RIC1: variants seen among roughly 807,000 people sequenced by gnomAD.
RIC1 encodes RIC1 partner of RAB6A GEF complex.
A neutral mutation model predicts 169.0 loss-of-function variants in RIC1; 88 were observed. That is an observed-to-expected ratio of 0.52 (90% confidence interval 0.44 to 0.62). RIC1 has a LOEUF of 0.62. RIC1 is among the 20% of genes least tolerant of loss of function. The pLI is 0.00. For missense variants in RIC1, 1,877 were observed against 1,725.5 expected (o/e 1.09, Z -1.56); for synonymous variants, 790 against 601.5 (o/e 1.31, Z -4.59).
chr9:5,750,035 C>T (rs1297514678), intron 12 of RIC1, among the ~76,000 whole-genome samples: 2 of 151,938 alleles, frequency 1.3e-5, no homozygotes, highest in Non-Finnish European at 2.9e-5. Flanking sequence ...CCTCAGCCTC[C>T]CAAAGTACTG....
At chr9:5,663,567 A>C (rs1274026263) in intron 2 of RIC1, among the ~76,000 whole-genome samples, 1 of 151,794 alleles carries the variant, frequency 6.6e-6, no homozygotes, top group African/African-American at 2.4e-5. Context: ...CCCTTTATGT[A>C]ACGCCCTTTG....
At chr9:5,749,967 C>T (rs964760116) in intron 12 of RIC1, among the ~76,000 whole-genome samples, 4 of 151,416 alleles carry the variant, frequency 2.6e-5, no homozygotes, top group East Asian at 1.9e-4. Context: ...TTAGTAGAGA[C>T]GGGGTTTCAC....
At chr9:5,758,198 T>C (rs1826119513) in intron 17 of RIC1, among the ~76,000 whole-genome samples, 1 of 152,090 alleles carries the variant, frequency 6.6e-6, no homozygotes, top group East Asian at 1.9e-4. Context: ...AAAGAGAAAG[T>C]ATAATCCCGT....
intron 1 of RIC1, among the ~76,000 whole-genome samples, chr9:5,635,308 C>A (rs2130253618): frequency 6.6e-6 from 1 of 152,190 alleles, no homozygotes; most frequent in East Asian, 1.9e-4. Flanking sequence ...TTTTTGTACC[C>A]ATTAACCATC....
chr9:5,728,132 G>T (rs1475301915), intron 6 of RIC1, among the ~76,000 whole-genome samples: 1 of 152,238 alleles, frequency 6.6e-6, no homozygotes, highest in Non-Finnish European at 1.5e-5. Flanking sequence ...GCTATACCCT[G>T]CCCCCAGAGG....
At chr9:5,710,984 C>T (rs1482166114) in intron 3 of RIC1, among the ~76,000 whole-genome samples, 1 of 151,974 alleles carries the variant, frequency 6.6e-6, no homozygotes, top group Non-Finnish European at 1.5e-5. Flanking sequence ...AATGGAGAAG[C>T]TTATTATTAT....
In RIC1 at chr9:5,742,805, A is replaced by AAAC. The variant is rs1033417823; in HGVS notation, c.902-62_902-61insCAA. 5 of 1,429,734 alleles carry AAAC rather than the reference A, an allele frequency of 3.5e-6. 1 individual carries two copies. The highest frequency in any genetic ancestry group is 4.8e-6 in the Non-Finnish European group (5 of 1,049,564). 88.6% of individuals were successfully genotyped at this position (1,429,734 alleles called of 1,614,324 possible). The stretch of plus-strand genomic sequence containing the variant: ...AAAATACAGATTGTATTTGAAAAAA[A>AAAC]AAAAAAAACAAGTATTTCTGAAGCA... On this transcript the variant is annotated intron_variant, in intron 8 of 25. Transcript: ENST00000414202.
intron 2 of RIC1, among the ~76,000 whole-genome samples, chr9:5,672,006 G>A (rs868403586): frequency 2.7e-4 from 41 of 152,288 alleles, no homozygotes; most frequent in South Asian, 4.1e-4. Flanking sequence ...TAACTGCTGC[G>A]GACTTAGAGT....
chr9:5,765,412 A>G lies in RIC1; in HGVS notation c.2842-2A>G. The G allele has an allele frequency of 6.2e-7, 1 of 1,607,524 alleles. No homozygotes were observed. Reference sequence around the variant, plus strand: ...GAATGCTGTCCTGGTTGTTTTTTGTAGAATATGGAAGTCCCTGCAGTAAGT... The same window carrying G: ...GAATGCTGTCCTGGTTGTTTTTTGTGGAATATGGAAGTCCCTGCAGTAAGT... On this transcript the variant is annotated splice_acceptor_variant, in intron 19 of 25. Transcript: ENST00000414202. LOFTEE classifies it high-confidence loss of function.
At chr9:5,744,279 C>T (rs1041594354) in intron 10 of RIC1, among the ~76,000 whole-genome samples, 2 of 151,974 alleles carry the variant, frequency 1.3e-5, no homozygotes, top group African/African-American at 4.8e-5. Flanking sequence ...AGGTGAAATG[C>T]TCATTGGGCA....
chr9:5,748,168 G>A (rs1825501980), intron 12 of RIC1, among the ~76,000 whole-genome samples: 1 of 152,120 alleles, frequency 6.6e-6, no homozygotes, highest in African/African-American at 2.4e-5. Context: ...AAAGAAACTT[G>A]CATACATAAT....
At chr9:5,690,960 C>T (rs894473265) in intron 3 of RIC1, among the ~76,000 whole-genome samples, 1 of 151,646 alleles carries the variant, frequency 6.6e-6, no homozygotes. Context: ...ATAAAATAAA[C>T]CCAAATAAAA....
intron 6 of RIC1, among the ~76,000 whole-genome samples, chr9:5,722,110 C>T (rs942136199): frequency 2.0e-4 from 30 of 151,898 alleles, no homozygotes; most frequent in African/African-American, 6.5e-4. Context: ...CTGGTCTTGA[C>T]CTACCAACCT....
chr9:5,670,965 G>A (rs982318514), intron 2 of RIC1, among the ~76,000 whole-genome samples: 1 of 152,094 alleles, frequency 6.6e-6, no homozygotes, highest in Non-Finnish European at 1.5e-5. Flanking sequence ...AGGACCAGTT[G>A]GTGGGTCCAC....
intron 2 of RIC1, among the ~76,000 whole-genome samples, chr9:5,667,012 G>A (rs373165412): frequency 6.6e-6 from 1 of 152,116 alleles, no homozygotes; most frequent in Non-Finnish European, 1.5e-5. Flanking sequence ...AGGTTTATCA[G>A]TTTTGTTGAT....
intron 7 of RIC1, among the ~76,000 whole-genome samples, chr9:5,735,335 C>T (rs1824634006): frequency 6.6e-6 from 1 of 152,152 alleles, no homozygotes; most frequent in South Asian, 2.1e-4. Flanking sequence ...AGAGAAAATA[C>T]ACAGAGACAG....
chr9:5,762,097 C>G (rs1414631588), intron 17 of RIC1, among the ~76,000 whole-genome samples: 1 of 152,196 alleles, frequency 6.6e-6, no homozygotes, highest in East Asian at 1.9e-4. Flanking sequence ...TCTAGCCAGA[C>G]TGTTCTCACT....
intron 12 of RIC1, among the ~76,000 whole-genome samples, chr9:5,750,967 C>G (rs746508325): frequency 6.6e-6 from 1 of 151,830 alleles, no homozygotes; most frequent in Non-Finnish European, 1.5e-5. Context: ...TAAAATACAT[C>G]ATTTGTGGCA....
rs1824416475 is a variant in RIC1 at position 5,732,307 on chromosome 9, G to T, written c.721-81G>T. ...CAAATAAAGCATTATGAAATTGTAT[G>T]TTTATTGAAGGAGAATTATATTGAC... is the stretch of plus-strand genomic sequence containing the variant. On this transcript the variant is annotated intron_variant, in intron 6 of 25. Coordinates refer to ENST00000414202, the MANE Select transcript of RIC1 (RefSeq NM_020829.4). The T allele has an allele frequency of 1.3e-5, 14 of 1,061,354 alleles. No homozygotes were observed. The South Asian group carries it at 2.0e-4, about 15-fold the overall frequency. The allele number at this position is 1,061,354 out of a possible 1,614,324, so 65.7% of individuals were successfully genotyped here. A position where few individuals can be genotyped will look rare whatever the true frequency, so the allele number is the denominator to read the frequency against.
Sources: allele counts gnomAD v4.1 joint callset (sites outside exome capture counted in the v4.1 genomes callset), GRCh38; gene constraint gnomAD v4.1.1; transcripts MANE v1.5; gene names NCBI Gene and HGNC (gene_info 2026-07-23, HGNC 2026-07-21).